RAP1A: variants seen among roughly 807,000 people sequenced by gnomAD.
RAP1A encodes RAP1A, member of RAS oncogene family, also known as ras-related protein Rap-1A.
Under a neutral mutation model 26.4 loss-of-function variants are expected in RAP1A, and 6 were observed. The observed-to-expected ratio is 0.23, with a 90% confidence interval of 0.12 to 0.45. The LOEUF is 0.45. Ranked by LOEUF, RAP1A falls within the 20% of genes least tolerant of loss-of-function variation. The probability of loss-of-function intolerance (pLI) is 0.99; values close to 1 mark genes in which losing one functional copy is unlikely to be tolerated. For missense variants in RAP1A, 121 were observed against 217.2 expected (o/e 0.56, Z 2.78); for synonymous variants, 73 against 79.4 (o/e 0.92, Z 0.43).
chr1:111,686,676 G>T (rs1661489221), intron 1 of RAP1A: 1 of 124,270 alleles, frequency 8.0e-6, no homozygotes, highest in African/African-American at 3.1e-5. Context: ...GAGCAACAGA[G>T]TGAGACCCTA....
chr1:111,716,097 T>C lies in RAP1A; in HGVS notation c.*3696T>C, dbSNP rs1386945107. The C allele has an allele frequency of 6.6e-6, 1 of 152,218 alleles. No individual in the cohort carries two copies. The highest frequency in any genetic ancestry group is 1.5e-5 in the Non-Finnish European group (1 of 68,032). 9.4% of individuals were successfully genotyped at this position (152,218 alleles called of 1,614,324 possible). A position where few individuals can be genotyped will look rare whatever the true frequency, so the allele number is the denominator to read the frequency against. On this transcript the variant is annotated 3_prime_UTR_variant, in exon 8 of 8. Transcript: ENST00000369709. ...GAGGAAAATAATTTGTAAAATAACC[T>C]TTTTAAGAATTTGGATTTTGTACTT...
In RAP1A at chr1:111,715,450, A is replaced by C. The variant is rs1025206744; in HGVS notation, c.*3049A>C. On this transcript the variant is annotated 3_prime_UTR_variant, in exon 8 of 8. Coordinates refer to ENST00000369709, the MANE Select transcript of RAP1A (RefSeq NM_002884.4). The stretch of plus-strand genomic sequence containing the variant: ...CATAAACACTGTGTGGTTCACAAAA[A>C]GGCATAGAGACATTCTCTCAAGAGT... 4.6e-5 allele frequency: 7 copies of C among 152,246 alleles called. No homozygotes were observed. The highest frequency in any genetic ancestry group is 1.7e-4 in the African/African-American group (7 of 41,456). 9.4% of individuals were successfully genotyped at this position (152,246 alleles called of 1,614,324 possible).
intron 1 of RAP1A, among the ~76,000 whole-genome samples, chr1:111,607,796 G>A (rs1658824134): frequency 7.4e-6 from 1 of 135,066 alleles, no homozygotes; most frequent in Non-Finnish European, 1.6e-5. Context: ...CTCCCGGACG[G>A]GGCGGCTGGC....
chr1:111,676,848 C>T (rs1041726302), intron 1 of RAP1A, among the ~76,000 whole-genome samples: 9 of 151,484 alleles, frequency 5.9e-5, no homozygotes, highest in African/African-American at 2.2e-4. Context: ...GGCTGGAGTG[C>T]AGTGGTACAA....
chr1:111,651,664 A>G (rs1660275962), intron 1 of RAP1A, among the ~76,000 whole-genome samples: 1 of 151,614 alleles, frequency 6.6e-6, no homozygotes, highest in South Asian at 2.1e-4. Context: ...TTTAGTAGAG[A>G]TAGGGTTTCG....
At chr1:111,549,953 T>C (rs2101034388) in intron 1 of RAP1A, among the ~76,000 whole-genome samples, 1 of 152,244 alleles carries the variant, frequency 6.6e-6, no homozygotes, top group South Asian at 2.1e-4. Flanking sequence ...CAGCCAGCCT[T>C]GTTTTGGGTT....
At chr1:111,646,916 C>T (rs780074594) in intron 1 of RAP1A, among the ~76,000 whole-genome samples, 1 of 152,072 alleles carries the variant, frequency 6.6e-6, no homozygotes, top group Non-Finnish European at 1.5e-5. Context: ...TTTTTGTTAC[C>T]CAAGATAACA....
chr1:111,615,218 A>C (rs1658992794), upstream of RAP1A, among the ~76,000 whole-genome samples: 1 of 152,080 alleles, frequency 6.6e-6, no homozygotes, highest in South Asian at 2.1e-4. Context: ...GTTTGTACTA[A>C]ATTTGATGGG....
At chr1:111,561,170 C>T (rs1407004026) in intron 1 of RAP1A, among the ~76,000 whole-genome samples, 3 of 152,254 alleles carry the variant, frequency 2.0e-5, no homozygotes, top group Non-Finnish European at 4.4e-5. Flanking sequence ...GTCACCCAGG[C>T]TGGAGTGCAG....
At chr1:111,556,915 G>A (rs114670493) in intron 1 of RAP1A, among the ~76,000 whole-genome samples, 12,112 of 144,778 alleles carry the variant, frequency 0.084, 1,138 homozygotes, top group African/African-American at 0.23. Flanking sequence ...ATATATGTAT[G>A]TACATATATA....
chr1:111,691,587 T>C (rs891484839), intron 2 of RAP1A, among the ~76,000 whole-genome samples, 170 bp downstream of exon 2: 1 of 152,236 alleles, frequency 6.6e-6, no homozygotes, highest in African/African-American at 2.4e-5. Context: ...GTATATAGTT[T>C]TATAACATTG....
intron 1 of RAP1A, among the ~76,000 whole-genome samples, chr1:111,686,871 T>G (rs1181920213): frequency 6.6e-6 from 1 of 151,940 alleles, no homozygotes; most frequent in Admixed American, 6.6e-5. Context: ...ATCTTTTTTT[T>G]TTCACTAACC....
rs553466294 is a variant in RAP1A at position 111,704,239 on chromosome 1, A to G, written c.325-104A>G. ...AGTATTTGATGAAGCTTGCGGTCCCAACTAATGCATTTCAGTTGGTGGCAG... is the reference window on the plus strand; with the variant it reads ...AGTATTTGATGAAGCTTGCGGTCCCGACTAATGCATTTCAGTTGGTGGCAG... On this transcript the variant is annotated intron_variant, in intron 5 of 7. Coordinates refer to ENST00000369709, the MANE Select transcript of RAP1A (RefSeq NM_002884.4). 55 of 1,258,982 alleles carry G rather than the reference A, an allele frequency of 4.4e-5. No individual in the cohort carries two copies. The Admixed American group carries it at 9.9e-4, about 23-fold the overall frequency. 78.0% of individuals were successfully genotyped at this position (1,258,982 alleles called of 1,614,324 possible). A position where few individuals can be genotyped will look rare whatever the true frequency, so the allele number is the denominator to read the frequency against.
chr1:111,648,287 T>C, intron 1 of RAP1A: 1 of 996,090 alleles, frequency 1.0e-6, no homozygotes, highest in Non-Finnish European at 1.5e-6. Context: ...TTCTGCTGGC[T>C]TAATTCTCAG....
At chr1:111,702,390 T>G (rs374131264) in intron 4 of RAP1A, among the ~76,000 whole-genome samples, 21 of 152,270 alleles carry the variant, frequency 1.4e-4, no homozygotes, top group African/African-American at 5.1e-4. Flanking sequence ...GTAATGATTG[T>G]CACCAAATAA....
intron 1 of RAP1A, among the ~76,000 whole-genome samples, chr1:111,543,155 C>G (rs1656906719): frequency 6.6e-6 from 1 of 152,172 alleles, no homozygotes; most frequent in South Asian, 2.1e-4. Flanking sequence ...GCGCAGGTGA[C>G]AGCTCTTTGG....
At chr1:111,556,040 C>A (rs190596162) in intron 1 of RAP1A, among the ~76,000 whole-genome samples, 1 of 152,072 alleles carries the variant, frequency 6.6e-6, no homozygotes, top group Admixed American at 6.5e-5. Flanking sequence ...ATATATAAAA[C>A]GCACAAGAAA....
Position 111,582,106 on chromosome 1 carries a change from G to A in RAP1A, c.-28+39597G>A, listed in dbSNP as rs530987782. On this transcript the variant is annotated intron_variant, in intron 1 of 7. Transcript: ENST00000356415. ...TGTCTTCATGCAATAACCAAGTCAA[G>A]TGACATCTCAGCCTTGAATGATGAG... Among the ~76,000 whole-genome samples, 9 of 152,296 alleles carry A rather than the reference G, an allele frequency of 5.9e-5. No individual in the cohort carries two copies. In the South Asian group the frequency reaches 8.3e-4, roughly 14 times the overall value.
intron 1 of RAP1A, among the ~76,000 whole-genome samples, chr1:111,574,716 C>A (rs1410460108): frequency 2.6e-5 from 4 of 152,194 alleles, no homozygotes; most frequent in African/African-American, 4.8e-5. Flanking sequence ...AGTAAAGTCC[C>A]AGACAAACTA....
Sources: gnomAD v4.1 joint callset for allele counts (sites outside exome capture counted in the v4.1 genomes callset) on GRCh38, gnomAD v4.1.1 for gene constraint, MANE v1.5 for transcripts, NCBI Gene and HGNC (gene_info 2026-07-23, HGNC 2026-07-21) for gene names.